The following NTN4 variants were observed in gnomAD, a reference collection of about 807,000 sequenced individuals.
NTN4 encodes the protein netrin 4.
Under a neutral mutation model 73.6 loss-of-function variants are expected in NTN4, and 32 were observed. The ratio of observed to expected loss-of-function variants is 0.44; its 90% CI spans 0.33 to 0.58. The LOEUF (loss-of-function observed/expected upper bound fraction) is 0.58, where lower values mean the gene tolerates loss of function less well. Among genes scored for constraint, NTN4 ranks in the 20% least tolerant of loss-of-function variants. NTN4 has a pLI of 0.04. For synonymous variants in NTN4, 258 were observed against 287.5 expected, an observed-to-expected ratio of 0.90 and a Z score of 1.04; for missense variants, 654 against 798.3, an observed-to-expected ratio of 0.82 and a Z score of 2.18.
chr12:95,779,701 G>T (rs1431571904), intron 2 of NTN4, among the ~76,000 whole-genome samples: 1 of 152,014 alleles, frequency 6.6e-6, no homozygotes, highest in Non-Finnish European at 1.5e-5. Flanking sequence ...TGGGTAGGAA[G>T]AATCAATATC....
rs76448715 is a variant in NTN4, at chr12:95,674,591, C to T, written c.1511-4445G>A. Among the ~76,000 whole-genome samples the T allele has an allele frequency of 9.5e-3, 1,442 of 151,906 alleles. 27 individuals carry two copies. Among genetic ancestry groups the T allele is most frequent in the Non-Finnish European group, 0.011 (714 of 67,998 alleles). Reference sequence around the variant, plus strand: ...TTGTTATTTAGGAAGTGAAATTTTACATCTGGTATAAGAAGTGGTAGAAAT... The same window carrying T: ...TTGTTATTTAGGAAGTGAAATTTTATATCTGGTATAAGAAGTGGTAGAAAT... On this transcript the variant is annotated intron_variant, in intron 7 of 9. Coordinates refer to ENST00000343702, the MANE Select transcript of NTN4 (RefSeq NM_021229.4).
chr12:95,707,605 A>G (rs190728126), intron 5 of NTN4, among the ~76,000 whole-genome samples: 1 of 152,254 alleles, frequency 6.6e-6, no homozygotes, highest in African/African-American at 2.4e-5. Flanking sequence ...TGAACTTCTC[A>G]CATACTGTAT....
At chr12:95,776,452 A>G (rs957905748) in intron 2 of NTN4, among the ~76,000 whole-genome samples, 1 of 152,240 alleles carries the variant, frequency 6.6e-6, no homozygotes, top group African/African-American at 2.4e-5. Flanking sequence ...TAACCAATGT[A>G]GAGAAGTCCT....
chr12:95,737,781 C>T, intron 3 of NTN4, 85 bp downstream of exon 3: 1 of 1,346,802 alleles, frequency 7.4e-7, no homozygotes, highest in Non-Finnish European at 1.0e-6. Flanking sequence ...ATCAGCAGCA[C>T]TATGTTAAGC....
intron 6 of NTN4, 133 bp downstream of exon 6, chr12:95,683,365 C>T (rs1272382176): frequency 1.1e-6 from 1 of 871,136 alleles, no homozygotes; most frequent in East Asian, 2.7e-5. Context: ...CCCAGCCTGA[C>T]AAAAATTCTT....
chr12:95,681,542 G>A (rs1353470028), intron 7 of NTN4, among the ~76,000 whole-genome samples: 1 of 152,138 alleles, frequency 6.6e-6, no homozygotes, highest in Non-Finnish European at 1.5e-5. Flanking sequence ...GGAGCATTTG[G>A]TGAGCACTTT....
At chr12:95,715,691 C>T (rs919054979) in intron 3 of NTN4, among the ~76,000 whole-genome samples, 1 of 152,068 alleles carries the variant, frequency 6.6e-6, no homozygotes, top group African/African-American at 2.4e-5. Context: ...TTTTTTCATC[C>T]TAGCTCCTGG....
At chr12:95,749,580 CCAAAACTCTGGCG>C (rs2078888552) in intron 2 of NTN4, among the ~76,000 whole-genome samples, 2 of 152,154 alleles carry the variant, frequency 1.3e-5, no homozygotes, top group Admixed American at 1.3e-4. Flanking sequence ...ATCCGTGCAC[CCAAAACTCTGGCG>C]CCGGTCACGG....
At chr12:95,680,280 T>C (rs2078305592) in intron 7 of NTN4, among the ~76,000 whole-genome samples, 3 of 152,228 alleles carry the variant, frequency 2.0e-5, no homozygotes, top group Admixed American at 2.0e-4. Context: ...TGAATAAATT[T>C]ATAAAGAACT....
Position 95,789,603 on chromosome 12 carries a change from G to A in NTN4, c.55+652C>T, listed in dbSNP as rs2079193495. On this transcript the variant is annotated intron_variant, in intron 1 of 9. Coordinates refer to ENST00000343702, the MANE Select transcript of NTN4 (RefSeq NM_021229.4). The surrounding 1 kb of genome is among the most constrained non-coding windows in gnomAD (Gnocchi z 4.0). Reference sequence around the variant, plus strand: ...CGCCGGTTGTCCAGTTACCGAGCCAGGGAGCAGACCCGCCTCCGACCTCCC... The same window carrying A: ...CGCCGGTTGTCCAGTTACCGAGCCAAGGAGCAGACCCGCCTCCGACCTCCC... 6.6e-6 allele frequency among the ~76,000 whole-genome samples: 1 copy of A among 152,210 alleles called. No individual in the cohort carries two copies. Among genetic ancestry groups the A allele is most frequent in the African/African-American group, 2.4e-5 (1 of 41,454 alleles).
intron 2 of NTN4, among the ~76,000 whole-genome samples, chr12:95,740,215 CAA>C (rs1339942306): frequency 2.6e-5 from 4 of 152,178 alleles, no homozygotes; most frequent in Non-Finnish European, 5.9e-5. Flanking sequence ...CGTCAGGAAA[CAA>C]AGAGTCCGCC....
chr12:95,735,679 T>G (rs1030999666), intron 3 of NTN4, among the ~76,000 whole-genome samples: 1 of 152,140 alleles, frequency 6.6e-6, no homozygotes, highest in Non-Finnish European at 1.5e-5. Context: ...ATTTTCTTGC[T>G]GGCAGTATAT....
intron 2 of NTN4, among the ~76,000 whole-genome samples, chr12:95,758,835 C>T (rs551862353): frequency 2.0e-5 from 3 of 152,282 alleles, no homozygotes; most frequent in Admixed American, 1.3e-4. Context: ...AGATTACAGT[C>T]GTGAGCCATT....
intron 2 of NTN4, among the ~76,000 whole-genome samples, chr12:95,771,128 T>C (rs555862429): frequency 2.0e-5 from 3 of 152,030 alleles, no homozygotes; most frequent in Non-Finnish European, 4.4e-5. Flanking sequence ...TAGCTGGGAC[T>C]ACAGGCGCCT....
intron 9 of NTN4, chr12:95,663,486 G>T (rs893032621): frequency 1.4e-4 from 21 of 152,304 alleles, no homozygotes; most frequent in African/African-American, 5.1e-4. Context: ...TATGACTGAT[G>T]AATGAGTAAA....
At chr12:95,692,013 AATGCAT>A (rs1265265788) in intron 5 of NTN4, among the ~76,000 whole-genome samples, 5 of 152,284 alleles carry the variant, frequency 3.3e-5, no homozygotes, top group African/African-American at 1.2e-4. Context: ...GTTCATCAAT[AATGCAT>A]GAGACTTACT....
At chr12:95,741,406 A>G (rs2078822707) in intron 2 of NTN4, among the ~76,000 whole-genome samples, 1 of 60,280 alleles carries the variant, frequency 1.7e-5, no homozygotes, top group Admixed American at 1.4e-4. Context: ...GGAAAAACCT[A>G]TAATGTAAAT....
intron 3 of NTN4, among the ~76,000 whole-genome samples, chr12:95,714,109 G>A (rs1298093688): frequency 6.6e-6 from 1 of 151,944 alleles, no homozygotes; most frequent in Non-Finnish European, 1.5e-5. Context: ...GTAATATAGG[G>A]TTTATTAAAA....
At chr12:95,694,062 A>G (rs1391894393) in intron 5 of NTN4, among the ~76,000 whole-genome samples, 2 of 149,810 alleles carry the variant, frequency 1.3e-5, no homozygotes, top group Non-Finnish European at 3.0e-5. Context: ...CCTGTCTTCC[A>G]CTGAGGGAGT....
Sources: gnomAD v4.1 joint callset for allele counts (sites outside exome capture counted in the v4.1 genomes callset) on GRCh38, gnomAD v4.1.1 for gene constraint, Gnocchi (gnomAD v3.1) non-coding constraint, MANE v1.5 for transcripts, NCBI Gene and HGNC (gene_info 2026-07-23, HGNC 2026-07-21) for gene names.